USH2A: variants seen among roughly 807,000 people sequenced by gnomAD.
The protein encoded by USH2A is Usher syndrome 2A (autosomal recessive, mild).
In USH2A, 443 loss-of-function variants were observed where a neutral mutation model predicts 538.9. The observed-to-expected ratio is 0.82, with a 90% CI of 0.76 to 0.89. The LOEUF is 0.89. USH2A is among the 40% of genes least tolerant of loss of function. The pLI is 0.00. For missense variants in USH2A, 6,633 were observed against 6,324.8 expected, an observed-to-expected ratio of 1.05 and a Z score of -1.65; for synonymous variants, 2,413 against 2,273.5, an observed-to-expected ratio of 1.06 and a Z score of -1.75.
rs746975879 is a variant in USH2A, at chr1:216,365,001, T to A, written c.736A>T (p.Ile246Phe). 14 of 1,613,670 alleles carry A rather than the reference T, an allele frequency of 8.7e-6. No individual in the cohort carries two copies. In the Admixed American group the frequency reaches 2.3e-4, roughly 27 times the overall value. ...PFNARTLSGS[I>F]TDFASGTVQI... is the part of the protein sequence containing the mutation. ...ACAGTACCAGATGCAAAATCTGTAATTGAACCACTTAGAGTTCTTGCATTG... is the reference window on the plus strand; with the variant it reads ...ACAGTACCAGATGCAAAATCTGTAAATGAACCACTTAGAGTTCTTGCATTG... Residue 246 changes from isoleucine to phenylalanine, a missense_variant, in exon 4 of 72, where the codon ATT (isoleucine) becomes TTT (phenylalanine). Physicochemically the swap from Ile to Phe is conservative, Grantham distance 21 (BLOSUM62 0). Coordinates refer to ENST00000307340, the MANE Select transcript of USH2A (RefSeq NM_206933.4).
At chr1:215,892,924 G>C (rs1665244291) in intron 40 of USH2A, among the ~76,000 whole-genome samples, 1 of 152,112 alleles carries the variant, frequency 6.6e-6, no homozygotes. Context: ...TATTTCTCCT[G>C]ATATCAGGAG....
intron 3 of USH2A, among the ~76,000 whole-genome samples, chr1:216,370,372 A>G (rs923842852): frequency 6.6e-6 from 1 of 151,098 alleles, no homozygotes; most frequent in African/African-American, 2.4e-5. Flanking sequence ...AAAAAGAAAA[A>G]AAAGAAAAAA....
intron 38 of USH2A, among the ~76,000 whole-genome samples, chr1:215,917,690 T>A (rs1180072034): frequency 7.2e-6 from 1 of 138,930 alleles, no homozygotes; most frequent in Non-Finnish European, 1.5e-5. Context: ...ACACCTATAA[T>A]CCCAGTATTT....
intron 15 of USH2A, among the ~76,000 whole-genome samples, chr1:216,211,878 G>A (rs1431349967): frequency 2.6e-5 from 4 of 151,982 alleles, no homozygotes; most frequent in East Asian, 1.9e-4. Flanking sequence ...AAATCCTGTT[G>A]TTCTTGGTGG....
At chr1:215,983,638 C>T (rs982791577) in intron 35 of USH2A, among the ~76,000 whole-genome samples, 2 of 152,126 alleles carry the variant, frequency 1.3e-5, no homozygotes, top group African/African-American at 4.8e-5. Flanking sequence ...CAAACACACA[C>T]ACACAAAAAA....
chr1:216,086,686 A>G (rs771988808), intron 24 of USH2A, 33 bp downstream of exon 24: 1 of 1,470,490 alleles, frequency 6.8e-7, no homozygotes, highest in Non-Finnish European at 9.5e-7. Context: ...CTAAGTTTGG[A>G]TGACAACATA....
At chr1:216,197,018 A>G (rs2034863083) in intron 18 of USH2A, among the ~76,000 whole-genome samples, 1 of 152,182 alleles carries the variant, frequency 6.6e-6, no homozygotes, top group South Asian at 2.1e-4. Flanking sequence ...ATAGGAAATT[A>G]TAAGTCTTAC....
chr1:216,418,524 A>C lies in USH2A; in HGVS notation c.641T>G (p.Leu214Arg). ...TTTTATTTTACTCACCTGCACACTA[A>C]GATGAATCCATTTCTTCACAAGAAT... ...GRILVKKWIH[L>R]SVQVHQTKIS... Residue 214 changes from leucine to arginine, a missense_variant, in exon 3 of 72, where the codon CTT becomes CGT. Leu to Arg is a moderately radical substitution (Grantham distance 102). Coordinates refer to ENST00000307340, the MANE Select transcript of USH2A (RefSeq NM_206933.4). 6.2e-7 allele frequency: 1 copy of C among 1,613,084 alleles called. No homozygotes were observed. Among genetic ancestry groups the C allele is most frequent in the Non-Finnish European group, 8.5e-7 (1 of 1,179,472 alleles).
intron 48 of USH2A, 117 bp from the exon 49 acceptor site, chr1:215,814,021 A>G: frequency 1.7e-6 from 2 of 1,171,116 alleles, no homozygotes; most frequent in Non-Finnish European, 2.4e-6. Flanking sequence ...AGACCATATT[A>G]CTCATATTTC....
chr1:215,873,850 T>C (rs1439737168), intron 43 of USH2A, among the ~76,000 whole-genome samples: 1 of 150,990 alleles, frequency 6.6e-6, no homozygotes, highest in East Asian at 1.9e-4. Context: ...TTAAAAGGAA[T>C]AGCAATTAGA....
At chr1:215,923,727 C>A (rs1004597082) in intron 38 of USH2A, among the ~76,000 whole-genome samples, 1 of 151,958 alleles carries the variant, frequency 6.6e-6, no homozygotes, top group African/African-American at 2.4e-5. Flanking sequence ...TAGCCCCAGG[C>A]CACTAGGACT....
chr1:216,072,815 C>T, intron 29 of USH2A, 74 bp downstream of exon 29: 1 of 1,401,534 alleles, frequency 7.1e-7, no homozygotes, highest in Non-Finnish European at 1.0e-6. Flanking sequence ...GGGTAATAGT[C>T]CTTCCTTTTA....
In USH2A at chr1:216,338,594, C is replaced by A. The variant is rs1353078499; in HGVS notation, c.785-10940G>T. Among the ~76,000 whole-genome samples, 3 of 151,006 alleles carry A rather than the reference C, an allele frequency of 2.0e-5. No homozygotes were observed. In the South Asian group the frequency reaches 6.2e-4, roughly 31 times the overall value. On this transcript the variant is annotated intron_variant, in intron 4 of 71. Transcript: ENST00000307340. ...AATTTAAAACTCTTGTGTGACAGAC[C>A]AAAAATACAAAAAATTTTAAAAGTC... is the stretch of plus-strand genomic sequence containing the variant.
intron 4 of USH2A, among the ~76,000 whole-genome samples, chr1:216,350,673 G>A (rs1187614439): frequency 6.6e-6 from 1 of 152,106 alleles, no homozygotes; most frequent in African/African-American, 2.4e-5. Context: ...GCCTTGGGAA[G>A]CTCTACCCCT....
chr1:216,338,975 G>T (rs900073102), intron 4 of USH2A, among the ~76,000 whole-genome samples: 1 of 151,502 alleles, frequency 6.6e-6, no homozygotes, highest in African/African-American at 2.4e-5. Flanking sequence ...ATATCAAAAT[G>T]GAAGATAAGA....
At chr1:216,005,078 A>G (rs1450724975) in intron 32 of USH2A, among the ~76,000 whole-genome samples, 2 of 152,174 alleles carry the variant, frequency 1.3e-5, no homozygotes, top group African/African-American at 4.8e-5. Flanking sequence ...ATAATGGTCA[A>G]TGAGATCCTA....
chr1:216,190,148 G>A, intron 20 of USH2A, 75 bp downstream of exon 20: 1 of 1,581,288 alleles, frequency 6.3e-7, no homozygotes, highest in Non-Finnish European at 8.6e-7. Context: ...GTCTCAAGTA[G>A]AGAAGGTGTT....
At chr1:216,129,782 G>A (rs1043349141) in intron 21 of USH2A, among the ~76,000 whole-genome samples, 8 of 152,128 alleles carry the variant, frequency 5.3e-5, no homozygotes, top group African/African-American at 1.9e-4. Flanking sequence ...AAAGCTGGAA[G>A]CATCACATTA....
At chr1:215,869,571 C>G (rs985142430) in intron 43 of USH2A, among the ~76,000 whole-genome samples, 1 of 152,086 alleles carries the variant, frequency 6.6e-6, no homozygotes, top group Non-Finnish European at 1.5e-5. Context: ...GGGAATTGAA[C>G]CAGCGACCTT....
Sources: allele counts gnomAD v4.1 joint callset (sites outside exome capture counted in the v4.1 genomes callset), GRCh38; gene constraint gnomAD v4.1.1; transcripts MANE v1.5; gene names NCBI Gene and HGNC (gene_info 2026-07-23, HGNC 2026-07-21).